Variants in PEX10 observed in about 807,000 individuals in gnomAD.
The protein encoded by PEX10 is peroxisome biogenesis factor 10.
In PEX10, 32 loss-of-function variants were observed where a neutral mutation model predicts 38.0. The observed-to-expected ratio is 0.84, with a 90% confidence interval of 0.63 to 1.13. PEX10 has a LOEUF of 1.13. PEX10 is among the 50% of genes most tolerant of loss of function. The probability of loss-of-function intolerance (pLI) is 0.00; values close to 1 mark genes in which losing one functional copy is unlikely to be tolerated. For synonymous variants in PEX10, 206 were observed against 207.3 expected, an observed-to-expected ratio of 0.99 and a Z score of 0.05; for missense variants, 483 against 457.7, an observed-to-expected ratio of 1.06 and a Z score of -0.51.
At chr1:2,408,401 G>C in intron 3 of PEX10, 51 bp downstream of exon 3, 1 of 1,597,510 alleles carries the variant, frequency 6.3e-7, no homozygotes, top group Non-Finnish European at 8.6e-7. Context: ...AAGTCCAGTG[G>C]GGGTGACAAG....
Position 2,409,469 on chromosome 1 carries a change from A to G in PEX10, c.194-611T>C, listed in dbSNP as rs766739631. ...CAAGCCCAAGGGGCACCCTGCATGCACCTTCCCTGTGTGTTCCACCCCCTC... is the reference window on the plus strand; with the variant it reads ...CAAGCCCAAGGGGCACCCTGCATGCGCCTTCCCTGTGTGTTCCACCCCCTC... On this transcript the variant is annotated intron_variant, in intron 2 of 5. Coordinates refer to ENST00000447513, the MANE Select transcript of PEX10 (RefSeq NM_002617.4). This position sits in a 1 kb window ranked among gnomAD's most constrained non-coding sequence, Gnocchi z 6.2. 1.3e-5 allele frequency among the ~76,000 whole-genome samples: 2 copies of G among 151,498 alleles called. No individual in the cohort carries two copies. The highest frequency in any genetic ancestry group is 2.9e-5 in the Non-Finnish European group (2 of 67,858).
At chr1:2,413,507 C>T (rs1570132215), upstream of PEX10, 1 of 152,774 alleles carries the variant, frequency 6.5e-6, no homozygotes, top group African/African-American at 2.4e-5. Context: ...GGGGCGGGAA[C>T]TGGAGGCCCA....
In PEX10 at chr1:2,405,549, G is replaced by A; in HGVS notation, c.*217C>T. On this transcript the variant is annotated 3_prime_UTR_variant, in exon 6 of 6. Transcript: ENST00000447513. ...GCTGAGTCCTACCAGGTTGGGGTTA[G>A]GGAAATGTTCTGGGTTCAGGCGCCC... The A allele has an allele frequency of 1.5e-6, 1 of 668,832 alleles. No individual in the cohort carries two copies. The allele number at this position is 668,832 out of a possible 1,614,324, so 41.4% of individuals were successfully genotyped here.
At chr1:2,413,025 G>A (rs564814652), upstream of PEX10, among the ~76,000 whole-genome samples, 1 of 152,350 alleles carries the variant, frequency 6.6e-6, no homozygotes, top group Non-Finnish European at 1.5e-5. Context: ...CGGCGGTCCC[G>A]CCCTCGCGCC....
intron 3 of PEX10, 73 bp downstream of exon 3, chr1:2,408,379 G>A: frequency 6.5e-7 from 1 of 1,537,504 alleles, no homozygotes; most frequent in Non-Finnish European, 9.0e-7. Context: ...GGCCAGCTCT[G>A]TGCATGCACC....
Position 2,406,755 on chromosome 1 carries a change from C to T in PEX10, c.741G>A (p.Lys247=), listed in dbSNP as rs1335976315. 1 of 1,609,578 alleles carries T rather than the reference C, an allele frequency of 6.2e-7. No individual in the cohort carries two copies. The highest frequency in any genetic ancestry group is 8.5e-7 in the Non-Finnish European group (1 of 1,178,644). ...YGFRQRQRAR[K]EWRLHRGLSH... ...ACAGGCCGCGGTGCAGCCTCCACTC[C>T]TTCCTGGCTCGCTGCCGCTGCCTGA... The change falls in exon 4 of 6, where the codon AAG becomes AAA. Residue 247 remains lysine, a synonymous_variant. Coordinates refer to ENST00000447513, the MANE Select transcript of PEX10 (RefSeq NM_002617.4).
chr1:2,412,378 G>A lies in PEX10; in HGVS notation c.112+13C>T, dbSNP rs1315020921. 2 of 1,366,968 alleles carry A rather than the reference G, an allele frequency of 1.5e-6. No homozygotes were observed. Among genetic ancestry groups the A allele is most frequent in the East Asian group, 6.2e-5 (2 of 32,056 alleles). 84.7% of individuals were successfully genotyped at this position (1,366,968 alleles called of 1,614,324 possible). On this transcript the variant is annotated intron_variant, in intron 1 of 5. Transcript: ENST00000447513. ...GCCGCTCGCGAGGACGTCCGGCCGCGCCCGGCCCTCACCCGCCAGGCTGTG... is the reference window on the plus strand; with the variant it reads ...GCCGCTCGCGAGGACGTCCGGCCGCACCCGGCCCTCACCCGCCAGGCTGTG...
At position 2,405,378 on chromosome 1, in the gene PEX10, C is replaced by G; in HGVS notation, c.*388G>C. ...GCACTCATTCAGTCCATTGCCTTAA[C>G]ACAAGCCTGATGGGGCTGTTTTCTC... On this transcript the variant is annotated 3_prime_UTR_variant, in exon 6 of 6. Coordinates refer to ENST00000447513, the MANE Select transcript of PEX10 (RefSeq NM_002617.4). 2.7e-6 allele frequency: 1 copy of G among 373,930 alleles called. No individual in the cohort carries two copies. The highest frequency in any genetic ancestry group is 5.2e-6 in the Non-Finnish European group (1 of 192,916). 23.2% of individuals were successfully genotyped at this position (373,930 alleles called of 1,614,324 possible). A position where few individuals can be genotyped will look rare whatever the true frequency, so the allele number is the denominator to read the frequency against.
chr1:2,412,833 G>A (rs1643312796), upstream of PEX10, among the ~76,000 whole-genome samples: 2 of 152,148 alleles, frequency 1.3e-5, no homozygotes, highest in African/African-American at 4.8e-5. Context: ...GCGGCCGCGT[G>A]GTTGCTGCGA....
In PEX10 at chr1:2,408,782, C is replaced by T. The variant is rs370555040; in HGVS notation, c.270G>A (p.Leu90=). 3.1e-6 allele frequency: 5 copies of T among 1,613,918 alleles called. No homozygotes were observed. In the African/African-American group the frequency reaches 4.0e-5, roughly 13 times the overall value. ...GCAGTGTCACCAGCACGCCACGGCG[C>T]AGCGAGGAGGGCACATGTATCCGCG... ...DPSRIHVPSS[L]RRGVLVTLHA... is the part of the protein sequence containing the mutation. Residue 90 remains leucine (L), a synonymous_variant, in exon 3 of 6, where the codon CTG becomes CTA. Transcript: ENST00000447513.
chr1:2,412,592 C>A, upstream of PEX10: 3 of 1,046,246 alleles, frequency 2.9e-6, no homozygotes, highest in Non-Finnish European at 3.7e-6. Context: ...CGTGGCTCTG[C>A]GTGCGGCGCA....
At chr1:2,405,951 A>G (rs1300340505) in intron 5 of PEX10, 117 bp from the exon 6 acceptor site, 2 of 839,816 alleles carry the variant, frequency 2.4e-6, no homozygotes, top group East Asian at 2.7e-5. Context: ...TAAATGTTGT[A>G]TTTCCTTCAA....
intron 3 of PEX10, 69 bp downstream of exon 3, chr1:2,408,383 A>C: frequency 6.4e-7 from 1 of 1,553,716 alleles, no homozygotes. Flanking sequence ...AGCTCTGTGC[A>C]TGCACCCAAG....
rs976354477 is a variant in PEX10 at position 2,405,470 on chromosome 1, G to T, written c.*296C>A. On this transcript the variant is annotated 3_prime_UTR_variant, in exon 6 of 6. Transcript: ENST00000447513. Reference sequence around the variant, plus strand: ...TTACTTCTCAACTGTATGGTTTGGGGAAGGGAGGGAAACCTAAAATCCCGT... The same window carrying T: ...TTACTTCTCAACTGTATGGTTTGGGTAAGGGAGGGAAACCTAAAATCCCGT... The T allele has an allele frequency of 1.1e-5, 6 of 542,036 alleles. No individual in the cohort carries two copies. The highest frequency in any genetic ancestry group is 3.0e-5 in the Admixed American group (1 of 33,742). 33.6% of individuals were successfully genotyped at this position (542,036 alleles called of 1,614,324 possible).
chr1:2,405,869 G>C, intron 5 of PEX10, 35 bp from the exon 6 acceptor site: 1 of 1,515,438 alleles, frequency 6.6e-7, no homozygotes, highest in Non-Finnish European at 9.0e-7. Context: ...CAGCAGCTGG[G>C]GCCACTGGGC....
chr1:2,406,778 T>C lies in PEX10; in HGVS notation c.718A>G (p.Arg240Gly), dbSNP rs1424367364. The C allele has an allele frequency of 1.6e-5, 25 of 1,610,188 alleles. No homozygotes were observed. Among genetic ancestry groups the C allele is most frequent in the Admixed American group, 3.4e-5 (2 of 59,616 alleles). Residue 240 changes from arginine (R) to glycine (G), a missense_variant, in exon 4 of 6, where the codon AGG becomes GGG. Physicochemically the swap from Arg to Gly is moderately radical, Grantham distance 125. Transcript: ENST00000447513. ...TCCTTCCTGGCTCGCTGCCGCTGCC[T>C]GAAACCGTACAGCTGCAGCCCCATG... ...LSMGLQLYGF[R>G]QRQRARKEWR...
rs1194756572 is a variant in PEX10 at position 2,410,256 on chromosome 1, C to T, written c.193+115G>A. On this transcript the variant is annotated intron_variant, in intron 2 of 5. Coordinates refer to ENST00000447513, the MANE Select transcript of PEX10 (RefSeq NM_002617.4). The surrounding 1 kb of genome is among the most constrained non-coding windows in gnomAD (Gnocchi z 5.1). ...ACCTCCTGCACTTCCCTGAAGCAAC[C>T]TCACCCGGGCCAGCTCCAGGAGCTT... 1 of 908,158 alleles carries T rather than the reference C, an allele frequency of 1.1e-6. No homozygotes were observed. The highest frequency in any genetic ancestry group is 1.9e-5 in the Admixed American group (1 of 52,028). The allele number at this position is 908,158 out of a possible 1,614,324, so 56.3% of individuals were successfully genotyped here. A position where few individuals can be genotyped will look rare whatever the true frequency, so the allele number is the denominator to read the frequency against.
Position 2,406,730 on chromosome 1 carries a change from A to T in PEX10, c.766T>A (p.Ser256Thr), listed in dbSNP as rs532149116. The T allele has an allele frequency of 8.7e-6, 14 of 1,608,538 alleles. No individual in the cohort carries two copies. In the African/African-American group the frequency reaches 1.2e-4, roughly 14 times the overall value. The change falls in exon 4 of 6, where the codon TCT becomes ACT. Residue 256 changes from serine to threonine, a missense_variant. Physicochemically the swap from Ser to Thr is moderately conservative, Grantham distance 58. Coordinates refer to ENST00000447513, the MANE Select transcript of PEX10 (RefSeq NM_002617.4). ...RKEWRLHRGL[S>T]HRRASLEERA... ...GGCCCCCGCACGCACCTGCGGTGAG[A>T]CAGGCCGCGGTGCAGCCTCCACTCC...
At chr1:2,407,768 G>A (rs1048213061) in intron 3 of PEX10, among the ~76,000 whole-genome samples, 10 of 152,186 alleles carry the variant, frequency 6.6e-5, no homozygotes, top group African/African-American at 1.9e-4. Flanking sequence ...GACCAGTGCA[G>A]CTCTAGGGAC....
Sources: allele counts gnomAD v4.1 joint callset (sites outside exome capture counted in the v4.1 genomes callset), GRCh38; gene constraint gnomAD v4.1.1; non-coding constraint Gnocchi (gnomAD v3.1); transcripts MANE v1.5; gene names NCBI Gene and HGNC (gene_info 2026-07-23, HGNC 2026-07-21).